Variants in TUT4 observed in about 807,000 individuals in gnomAD.
TUT4 encodes the protein terminal uridylyl transferase 4, also known as terminal uridylyltransferase 4.
A neutral mutation model predicts 192.2 loss-of-function variants in TUT4; 36 were observed. The observed-to-expected ratio is 0.19, with a 90% CI of 0.14 to 0.25. TUT4 has a LOEUF of 0.25. Among genes scored for constraint, TUT4 ranks in the 10% least tolerant of loss-of-function variants. The pLI, the probability that TUT4 is intolerant of heterozygous loss-of-function variation, is 1.00. For missense variants in TUT4, 1,493 were observed against 1,957.2 expected (o/e 0.76, Z 4.47); for synonymous variants, 618 against 666.0 (o/e 0.93, Z 1.11).
At chr1:52,424,789 TTTAA>T (rs1424119586) in intron 29 of TUT4, 3 of 152,294 alleles carry the variant, frequency 2.0e-5, no homozygotes, top group Non-Finnish European at 4.4e-5. Flanking sequence ...ACTAAAAACC[TTTAA>T]TTAGGTCCCC....
intron 11 of TUT4, among the ~76,000 whole-genome samples, chr1:52,478,115 T>G (rs1325340496): frequency 6.6e-6 from 1 of 152,126 alleles, no homozygotes; most frequent in Non-Finnish European, 1.5e-5. Flanking sequence ...TGGCTGCACA[T>G]TAGAATCATG....
At chr1:52,470,220 T>C (rs142372785) in intron 14 of TUT4, among the ~76,000 whole-genome samples, 250 of 151,966 alleles carry the variant, frequency 1.6e-3, no homozygotes, top group African/African-American at 5.9e-3. Context: ...TGGATATATA[T>C]AAAAGGGACC....
At chr1:52,518,674 C>A (rs1424185719) in intron 2 of TUT4, among the ~76,000 whole-genome samples, 1 of 152,106 alleles carries the variant, frequency 6.6e-6, no homozygotes, top group African/African-American at 2.4e-5. Flanking sequence ...CATGGATAAA[C>A]CTTAAAAACA....
At chr1:52,429,235 C>A (rs538254012) in intron 28 of TUT4, among the ~76,000 whole-genome samples, 2 of 151,628 alleles carry the variant, frequency 1.3e-5, no homozygotes, top group African/African-American at 4.8e-5. Flanking sequence ...AGGCGCCCAC[C>A]ACCACGCTCA....
Position 52,425,501 on chromosome 1 carries a change from C to T in TUT4, c.4718G>A (p.Gly1573Asp). 4 of 1,608,722 alleles carry T rather than the reference C, an allele frequency of 2.5e-6. No homozygotes were observed. Among genetic ancestry groups the T allele is most frequent in the South Asian group, 2.2e-5 (2 of 90,178 alleles). ...NSGAVGNSEP[G>D]FRGLTPPIPW... is the part of the protein sequence containing the mutation. ...AATTGGAGGAGTCAGTCCTCGAAAG[C>T]CTGGCTCTGCATTTCAACAAGAGGG... The change falls in exon 29 of 30, where the codon GGC (glycine) becomes GAC (aspartate). Residue 1573 changes from glycine (G) to aspartate (D), a missense_variant. Gly to Asp is a moderately conservative substitution (Grantham distance 94, BLOSUM62 -1). This residue lies in a region of TUT4 where 351 missense variants were observed against 397.8 expected (regional missense o/e 0.88). Transcript: ENST00000257177.
Position 52,450,685 on chromosome 1 carries a change from G to A in TUT4, c.3436-4018C>T, listed in dbSNP as rs549259055. Among the ~76,000 whole-genome samples, 6 of 152,134 alleles carry A rather than the reference G, an allele frequency of 3.9e-5. No homozygotes were observed. The South Asian group carries it at 1.2e-3, about 31-fold the overall frequency. On this transcript the variant is annotated intron_variant, in intron 20 of 29. Coordinates refer to ENST00000257177, the MANE Select transcript of TUT4 (RefSeq NM_001009881.3). ...ATATTATCATTATTACATTTTTAATGATGATGAAACTCAGACTTATGCAGA... is the reference window on the plus strand; with the variant it reads ...ATATTATCATTATTACATTTTTAATAATGATGAAACTCAGACTTATGCAGA...
intron 2 of TUT4, among the ~76,000 whole-genome samples, chr1:52,520,415 G>T (rs908980647): frequency 2.0e-5 from 3 of 152,320 alleles, no homozygotes; most frequent in African/African-American, 4.8e-5. Context: ...AGTTGGTGCA[G>T]GCTGCTTGAA....
chr1:52,448,678 T>C (rs1658367406), intron 20 of TUT4, among the ~76,000 whole-genome samples: 1 of 150,508 alleles, frequency 6.6e-6, no homozygotes, highest in Admixed American at 6.6e-5. Flanking sequence ...AAGAAAGAAG[T>C]GAAGATATTA....
At position 52,485,854 on chromosome 1, in the gene TUT4, G is replaced by C. The variant is rs543648429; in HGVS notation, c.1515+3055C>G. On this transcript the variant is annotated intron_variant, in intron 9 of 29. Coordinates refer to ENST00000257177, the MANE Select transcript of TUT4 (RefSeq NM_001009881.3). ...AGATTGTAGCATCTATATACGATTGGTCTATACTGGATTGGTTGGATTCAT... is the reference window on the plus strand; with the variant it reads ...AGATTGTAGCATCTATATACGATTGCTCTATACTGGATTGGTTGGATTCAT... Among the ~76,000 whole-genome samples the C allele has an allele frequency of 7.2e-5, 11 of 151,924 alleles. No individual in the cohort carries two copies. In the East Asian group the frequency reaches 2.1e-3, roughly 29 times the overall value.
chr1:52,486,800 G>C (rs766879881), intron 9 of TUT4, among the ~76,000 whole-genome samples: 1 of 152,128 alleles, frequency 6.6e-6, no homozygotes, highest in Non-Finnish European at 1.5e-5. Flanking sequence ...AAAACACCAT[G>C]AGCAACCTTT....
At chr1:52,506,611 G>C (rs184157558) in intron 4 of TUT4, among the ~76,000 whole-genome samples, 1 of 152,152 alleles carries the variant, frequency 6.6e-6, no homozygotes. Flanking sequence ...ACCCAATATA[G>C]TTTTAATCTT....
Position 52,458,356 on chromosome 1 carries a change from C to T in TUT4, c.3415G>A (p.Val1139Ile). ...CCTACCTCTTGTAGAACTGGGATAA[C>T]AGGTGGCTTTCTCTGCTGCAGAAAG... is the stretch of plus-strand genomic sequence containing the variant. The part of the protein sequence containing the change: ...LYFLQQRKPP[V>I]IPVLQEIFDG... Residue 1139 changes from valine (V) to isoleucine (I), a missense_variant, in exon 20 of 30, where the codon GTT becomes ATT. Physicochemically the swap from Val to Ile is conservative, Grantham distance 29. Around this residue, in one of 7 missense-constraint regions of TUT4, gnomAD observed 141 missense variants for 382.7 expected, o/e 0.37. Coordinates refer to ENST00000257177, the MANE Select transcript of TUT4 (RefSeq NM_001009881.3). The T allele has an allele frequency of 2.5e-6, 4 of 1,613,660 alleles. No homozygotes were observed. The highest frequency in any genetic ancestry group is 3.4e-6 in the Non-Finnish European group (4 of 1,179,786).
chr1:52,553,038 G>A lies in TUT4; in HGVS notation c.-201C>T, dbSNP rs912551772. On this transcript the variant is annotated 5_prime_UTR_variant, in exon 1 of 30. Transcript: ENST00000257177. ...CGCCGTCGCCGCTGCCGCCGCTGGA[G>A]GCCGGGACACGACTAGCTCAGGACT... is the stretch of plus-strand genomic sequence containing the variant. 2 of 158,288 alleles carry A rather than the reference G, an allele frequency of 1.3e-5. No individual in the cohort carries two copies. The highest frequency in any genetic ancestry group is 1.7e-4 in the South Asian group (1 of 5,870). The allele number at this position is 158,288 out of a possible 1,614,324, so 9.8% of individuals were successfully genotyped here. A position where few individuals can be genotyped will look rare whatever the true frequency, so the allele number is the denominator to read the frequency against.
At position 52,493,658 on chromosome 1, in the gene TUT4, T is replaced by A; in HGVS notation, c.1271A>T (p.Asn424Ile). 5 of 1,508,396 alleles carry A rather than the reference T, an allele frequency of 3.3e-6. No homozygotes were observed. Among genetic ancestry groups the A allele is most frequent in the Non-Finnish European group, 4.5e-6 (5 of 1,109,516 alleles). The allele number at this position is 1,508,396 out of a possible 1,614,324, so 93.4% of individuals were successfully genotyped here. ...TACTTTTATCAGAAGATCTGGATGA[T>A]TCATCTAAAAAAGTTTCAAAAATAA... ...NIDIKFPPKMNHPDLLIKVLG... is the reference protein window; with the variant it reads ...NIDIKFPPKMIHPDLLIKVLG... The change falls in exon 7 of 30, where the codon AAT (asparagine) becomes ATT (isoleucine). Residue 424 changes from asparagine to isoleucine, a missense_variant. Around this residue, in one of 7 missense-constraint regions of TUT4, gnomAD observed 437 missense variants for 577.6 expected, o/e 0.76. Transcript: ENST00000257177.
At chr1:52,443,371 C>G (rs1201560102) in intron 24 of TUT4, among the ~76,000 whole-genome samples, 1 of 151,728 alleles carries the variant, frequency 6.6e-6, no homozygotes, top group Non-Finnish European at 1.5e-5. Context: ...GGCGGATCAC[C>G]TGATTGGGAG....
intron 11 of TUT4, among the ~76,000 whole-genome samples, chr1:52,480,349 G>A (rs1668195210): frequency 6.6e-6 from 1 of 152,196 alleles, no homozygotes; most frequent in Non-Finnish European, 1.5e-5. Flanking sequence ...ACTGGCAAGT[G>A]TTGCTAATAA....
At chr1:52,537,911 A>G (rs909737353) in intron 1 of TUT4, among the ~76,000 whole-genome samples, 1 of 152,016 alleles carries the variant, frequency 6.6e-6, no homozygotes, top group Non-Finnish European at 1.5e-5. Flanking sequence ...AACTGTCTCA[A>G]AAATGAATAA....
chr1:52,471,769 C>T (rs1392427861), intron 14 of TUT4, among the ~76,000 whole-genome samples, 183 bp downstream of exon 14: 40 of 150,776 alleles, frequency 2.7e-4, no homozygotes, highest in Admixed American at 2.6e-3. Flanking sequence ...ACTCTCAATT[C>T]CCCTTGGCAT....
At chr1:52,508,901 G>T (rs148689717) in intron 4 of TUT4, among the ~76,000 whole-genome samples, 1 of 152,022 alleles carries the variant, frequency 6.6e-6, no homozygotes. Flanking sequence ...ACAAATTCCC[G>T]AAGCTTATAA....
Sources: allele counts gnomAD v4.1 joint callset (sites outside exome capture counted in the v4.1 genomes callset), GRCh38; gene constraint gnomAD v4.1.1; regional missense constraint gnomAD v4.1.1; transcripts MANE v1.5; gene names NCBI Gene and HGNC (gene_info 2026-07-23, HGNC 2026-07-21).